The following RAD51B variants were observed in gnomAD, a reference collection of about 807,000 sequenced individuals.
The protein encoded by RAD51B is RAD51 paralog B, also known as DNA repair protein RAD51 homolog 2.
A neutral mutation model predicts 42.2 loss-of-function variants in RAD51B; 38 were observed. That is an observed-to-expected ratio of 0.90 (90% CI 0.70 to 1.18). The LOEUF (loss-of-function observed/expected upper bound fraction) is 1.18. RAD51B is among the 50% of genes most tolerant of loss of function. The pLI is 0.00. For synonymous variants in RAD51B, 154 were observed against 145.2 expected (o/e 1.06, Z -0.43); for missense variants, 373 against 400.7 (o/e 0.93, Z 0.59).
intron 8 of RAD51B, among the ~76,000 whole-genome samples, chr14:68,316,310 TGG>T: frequency 6.6e-6 from 1 of 152,222 alleles, no homozygotes; most frequent in African/African-American, 2.4e-5. Context: ...CAAATGGAAT[TGG>T]TTCCAGTTTA....
intron 7 of RAD51B, among the ~76,000 whole-genome samples, chr14:67,993,973 A>G (rs905739929): frequency 1.1e-4 from 16 of 152,300 alleles, no homozygotes; most frequent in Admixed American, 9.2e-4. Context: ...CTGTTAGTAT[A>G]TATAATAACA....
At chr14:67,921,778 A>G (rs2044335177) in intron 7 of RAD51B, among the ~76,000 whole-genome samples, 1 of 152,136 alleles carries the variant, frequency 6.6e-6, no homozygotes. Flanking sequence ...TGGAATTTGC[A>G]CATTCTCCCC....
chr14:67,895,629 A>G (rs2043387160), intron 7 of RAD51B, among the ~76,000 whole-genome samples: 2 of 152,186 alleles, frequency 1.3e-5, no homozygotes, highest in South Asian at 2.1e-4. Flanking sequence ...TTTTGTCCAC[A>G]GTTGTATCCT....
intron 11 of RAD51B, among the ~76,000 whole-genome samples, chr14:68,678,888 C>A (rs1220837648): frequency 6.6e-6 from 1 of 151,966 alleles, no homozygotes; most frequent in African/African-American, 2.4e-5. Context: ...AATTTTAATT[C>A]TTCCCCTGCC....
At chr14:68,386,725 C>T (rs980377359) in intron 8 of RAD51B, among the ~76,000 whole-genome samples, 6 of 152,184 alleles carry the variant, frequency 3.9e-5, no homozygotes, top group Non-Finnish European at 8.8e-5. Context: ...CTCCTAATGG[C>T]ATTCAGTACC....
chr14:68,327,280 C>T (rs1290005551), intron 8 of RAD51B, among the ~76,000 whole-genome samples: 8 of 152,044 alleles, frequency 5.3e-5, no homozygotes, highest in East Asian at 1.9e-4. Context: ...TTTGACCTCC[C>T]GCCACATTTT....
intron 7 of RAD51B, among the ~76,000 whole-genome samples, chr14:68,243,009 G>C (rs1013075066): frequency 7.2e-5 from 11 of 152,120 alleles, no homozygotes; most frequent in African/African-American, 2.4e-4. Flanking sequence ...CTTGAAGGAG[G>C]CTCTTGGCAC....
chr14:67,991,769 A>C (rs1452055765), intron 7 of RAD51B, among the ~76,000 whole-genome samples: 1 of 152,194 alleles, frequency 6.6e-6, no homozygotes, highest in African/African-American at 2.4e-5. Context: ...TTATTGGGTG[A>C]TATAGACAGT....
chr14:68,318,093 A>G (rs967660858), intron 8 of RAD51B, among the ~76,000 whole-genome samples: 1 of 152,210 alleles, frequency 6.6e-6, no homozygotes, highest in Admixed American at 6.5e-5. Flanking sequence ...TTCTGAATTC[A>G]TCAGGTGGTC....
At chr14:68,472,320 T>C (rs1206372336) in intron 10 of RAD51B, among the ~76,000 whole-genome samples, 1 of 152,166 alleles carries the variant, frequency 6.6e-6, no homozygotes, top group Non-Finnish European at 1.5e-5. Flanking sequence ...GAATAAAGAT[T>C]CTGTCATTGA....
At chr14:68,589,668 T>C (rs1255584154) in intron 10 of RAD51B, among the ~76,000 whole-genome samples, 2 of 152,204 alleles carry the variant, frequency 1.3e-5, no homozygotes, top group African/African-American at 2.4e-5. Context: ...TTCCTGGGTT[T>C]GTTAGAAGCC....
At chr14:68,233,743 T>C (rs1427381520) in intron 7 of RAD51B, among the ~76,000 whole-genome samples, 1 of 152,110 alleles carries the variant, frequency 6.6e-6, no homozygotes, top group Non-Finnish European at 1.5e-5. Flanking sequence ...TTGACAAGGG[T>C]GGGAGGAGCC....
At chr14:68,595,674 A>G in exon 11 of RAD51B, 12 of 975,800 alleles carry the variant, frequency 1.2e-5, no homozygotes, top group Non-Finnish European at 1.5e-5. Context: ...TAAATGTTCG[A>G]CCATATGGTA....
intron 7 of RAD51B, among the ~76,000 whole-genome samples, chr14:68,003,841 A>C (rs541456557): frequency 1.6e-4 from 25 of 152,276 alleles, no homozygotes; most frequent in African/African-American, 6.0e-4. Context: ...TGTTGAACCA[A>C]CTTTGCATCC....
intron 7 of RAD51B, among the ~76,000 whole-genome samples, chr14:68,244,336 G>T (rs1360121600): frequency 6.6e-6 from 1 of 152,140 alleles, no homozygotes; most frequent in Admixed American, 6.6e-5. Flanking sequence ...TAAAGAATAC[G>T]CCCAAGAACT....
At chr14:68,373,099 A>G (rs764205247) in intron 8 of RAD51B, among the ~76,000 whole-genome samples, 1 of 152,260 alleles carries the variant, frequency 6.6e-6, no homozygotes. Flanking sequence ...TGTGAATCTC[A>G]CAAGTAAATG....
chr14:67,870,614 C>T (rs1279357028), intron 5 of RAD51B, among the ~76,000 whole-genome samples: 1 of 104,844 alleles, frequency 9.5e-6, no homozygotes, highest in East Asian at 2.3e-4. Context: ...ACTCTCCACC[C>T]CAAATCAACA....
At chr14:67,888,816 A>C (rs2043136500) in intron 7 of RAD51B, among the ~76,000 whole-genome samples, 1 of 152,170 alleles carries the variant, frequency 6.6e-6, no homozygotes, top group Admixed American at 6.5e-5. Flanking sequence ...GAGGGACTTG[A>C]GCATCCGTGG....
chr14:68,637,284 G>T (rs994645064), intron 10 of RAD51B, among the ~76,000 whole-genome samples: 4 of 152,042 alleles, frequency 2.6e-5, no homozygotes, highest in Admixed American at 6.5e-5. Context: ...TTGCTATGTT[G>T]TCCAGGCTGG....
Sources: gnomAD v4.1 joint callset for allele counts (sites outside exome capture counted in the v4.1 genomes callset) on GRCh38, gnomAD v4.1.1 for gene constraint, MANE v1.5 for transcripts, NCBI Gene and HGNC (gene_info 2026-07-23, HGNC 2026-07-21) for gene names.